SCAMP1: variants seen among roughly 807,000 people sequenced by gnomAD.
SCAMP1 encodes the protein secretory carrier-associated membrane protein 1.
A neutral mutation model predicts 41.8 loss-of-function variants in SCAMP1; 15 were observed. The ratio of observed to expected loss-of-function variants is 0.36; its 90% CI spans 0.24 to 0.55. The LOEUF is 0.55. SCAMP1 is among the 20% of genes least tolerant of loss of function. SCAMP1 has a pLI of 0.86. For missense variants in SCAMP1, 341 were observed against 412.6 expected (o/e 0.83, Z 1.50); for synonymous variants, 135 against 136.8 (o/e 0.99, Z 0.09).
intron 8 of SCAMP1, among the ~76,000 whole-genome samples, chr5:78,473,166 T>G (rs1448972248): frequency 6.6e-6 from 1 of 152,172 alleles, no homozygotes; most frequent in Non-Finnish European, 1.5e-5. Context: ...GATTTACCAG[T>G]ATATGTATTT....
At chr5:78,430,084 A>T (rs56731712) in intron 6 of SCAMP1, among the ~76,000 whole-genome samples, 2,666 of 60,420 alleles carry the variant, frequency 0.044, 167 homozygotes, top group African/African-American at 0.18. Flanking sequence ...TTATAAATAC[A>T]GTATTTATTT....
intron 2 of SCAMP1, among the ~76,000 whole-genome samples, chr5:78,389,269 C>T (rs967537720): frequency 1.3e-5 from 2 of 151,694 alleles, no homozygotes; most frequent in Non-Finnish European, 2.9e-5. Flanking sequence ...TTTTTTTTTA[C>T]GTGGAAACTG....
At chr5:78,407,050 G>A (rs191830482) in intron 2 of SCAMP1, among the ~76,000 whole-genome samples, 472 of 152,294 alleles carry the variant, frequency 3.1e-3, no homozygotes, top group Non-Finnish European at 4.6e-3. Context: ...GGTTGCAGTA[G>A]AGTATTTTCT....
intron 2 of SCAMP1, among the ~76,000 whole-genome samples, chr5:78,396,790 G>C (rs1393094013): frequency 6.6e-6 from 1 of 152,154 alleles, no homozygotes; most frequent in East Asian, 1.9e-4. Flanking sequence ...TGAAGAAAGT[G>C]TTTCAATAAT....
In SCAMP1 at chr5:78,455,434, G is replaced by A. The variant is rs1027764750; in HGVS notation, c.735-3811G>A. ...ACATCTTTATTTCTGCCTTCATTTC[G>A]TTATGTATCCAGTAGTCATTCAGGA... is the stretch of plus-strand genomic sequence containing the variant. On this transcript the variant is annotated intron_variant, in intron 7 of 8. Transcript: ENST00000621999. Among the ~76,000 whole-genome samples the A allele has an allele frequency of 2.0e-4, 26 of 127,384 alleles. 1 individual carries two copies. The highest frequency in any genetic ancestry group is 5.9e-4 in the Admixed American group (8 of 13,488). The allele number at this position is 127,384 out of a possible 152,430, so 83.6% of individuals were successfully genotyped here.
chr5:78,471,475 A>G (rs957046002), intron 8 of SCAMP1, among the ~76,000 whole-genome samples: 2 of 152,202 alleles, frequency 1.3e-5, no homozygotes, highest in Admixed American at 1.3e-4. Context: ...TATATTTAAA[A>G]AACTCATTTG....
intron 2 of SCAMP1, among the ~76,000 whole-genome samples, chr5:78,404,995 AGTAATG>A (rs2112117125): frequency 6.6e-6 from 1 of 152,324 alleles, no homozygotes; most frequent in African/African-American, 2.4e-5. Context: ...TTTCTACCCC[AGTAATG>A]GTTCTTGCAG....
At chr5:78,410,123 T>C (rs547626876) in intron 2 of SCAMP1, among the ~76,000 whole-genome samples, 7 of 152,118 alleles carry the variant, frequency 4.6e-5, no homozygotes, top group East Asian at 3.9e-4. Context: ...TTTTCTTTTT[T>C]TTTTTTTTCC....
intron 6 of SCAMP1, among the ~76,000 whole-genome samples, chr5:78,442,114 G>A (rs1382693411): frequency 2.0e-5 from 3 of 152,034 alleles, no homozygotes; most frequent in African/African-American, 7.3e-5. Context: ...GGGTGACATA[G>A]TAAGACCTTG....
chr5:78,375,919 A>G (rs756440900), intron 1 of SCAMP1, among the ~76,000 whole-genome samples: 2 of 152,242 alleles, frequency 1.3e-5, no homozygotes, highest in African/African-American at 4.8e-5. Context: ...TAGCCATATT[A>G]GAAAAAAAGG....
intron 6 of SCAMP1, among the ~76,000 whole-genome samples, chr5:78,440,093 G>A (rs573195080): frequency 6.6e-6 from 1 of 152,270 alleles, no homozygotes; most frequent in East Asian, 1.9e-4. Flanking sequence ...GTTTATTCTA[G>A]TTAGCCATTC....
intron 2 of SCAMP1, among the ~76,000 whole-genome samples, chr5:78,393,092 T>G (rs929499978): frequency 1.5e-4 from 23 of 152,170 alleles, no homozygotes; most frequent in African/African-American, 4.8e-4. Flanking sequence ...TAAAATTGTT[T>G]TCTTCTGTAC....
At chr5:78,460,764 CCTT>C (rs796817915) in intron 8 of SCAMP1, among the ~76,000 whole-genome samples, 30 of 33,584 alleles carry the variant, frequency 8.9e-4, no homozygotes, top group African/African-American at 5.7e-3. Flanking sequence ...TTCCTTCCTT[CCTT>C]CCTTCCTTCC....
At chr5:78,420,953 A>G (rs1028710464) in intron 5 of SCAMP1, among the ~76,000 whole-genome samples, 3 of 152,254 alleles carry the variant, frequency 2.0e-5, no homozygotes, top group African/African-American at 7.2e-5. Context: ...TACATTAAAC[A>G]TCATTTTAGC....
chr5:78,363,042 G>A (rs544671749), intron 1 of SCAMP1, among the ~76,000 whole-genome samples: 4 of 151,488 alleles, frequency 2.6e-5, no homozygotes, highest in African/African-American at 4.8e-5. Flanking sequence ...ACAGGTGCCC[G>A]CCACCACACC....
chr5:78,401,572 C>T (rs894392438), intron 2 of SCAMP1, among the ~76,000 whole-genome samples: 4 of 151,998 alleles, frequency 2.6e-5, no homozygotes, highest in African/African-American at 9.7e-5. Flanking sequence ...TTGCATTTTC[C>T]GAGGCATTGG....
intron 1 of SCAMP1, among the ~76,000 whole-genome samples, chr5:78,362,512 G>A (rs1208684026): frequency 6.6e-6 from 1 of 152,176 alleles, no homozygotes; most frequent in Non-Finnish European, 1.5e-5. Context: ...AATATTCATT[G>A]TGGCATAACG....
chr5:78,459,094 T>C (rs1423420986), intron 7 of SCAMP1, 151 bp from the exon 8 acceptor site: 3 of 601,664 alleles, frequency 5.0e-6, no homozygotes, highest in African/African-American at 1.9e-5. Context: ...ATCTATCCTA[T>C]TGGGTGGGTT....
chr5:78,448,184 C>A (rs1354061996), intron 6 of SCAMP1, among the ~76,000 whole-genome samples: 1 of 127,504 alleles, frequency 7.8e-6, no homozygotes, highest in Non-Finnish European at 1.6e-5. Context: ...TTCCTCTTCC[C>A]TTTTGTTTTT....
Sources: allele counts gnomAD v4.1 joint callset (sites outside exome capture counted in the v4.1 genomes callset), GRCh38; gene constraint gnomAD v4.1.1; transcripts MANE v1.5; gene names NCBI Gene and HGNC (gene_info 2026-07-23, HGNC 2026-07-21).